DGKI: variants seen among roughly 807,000 people sequenced by gnomAD.
DGKI encodes DAG kinase iota.
A neutral mutation model predicts 147.5 loss-of-function variants in DGKI; 55 were observed. The observed-to-expected ratio is 0.37, with a 90% CI of 0.30 to 0.47. The LOEUF is 0.47. Among genes scored for constraint, DGKI ranks in the 20% least tolerant of loss-of-function variants. DGKI has a pLI of 1.00. For synonymous variants in DGKI, 469 were observed against 477.1 expected (o/e 0.98, Z 0.22); for missense variants, 1,007 against 1,323.8 (o/e 0.76, Z 3.71).
intron 6 of DGKI, among the ~76,000 whole-genome samples, chr7:137,642,595 G>GA (rs1305758290): frequency 6.6e-6 from 1 of 152,116 alleles, no homozygotes; most frequent in East Asian, 1.9e-4. Flanking sequence ...GAATGACAAT[G>GA]AAAAACCACA....
At chr7:137,579,666 C>A (rs755698481) in intron 15 of DGKI, among the ~76,000 whole-genome samples, 2 of 152,064 alleles carry the variant, frequency 1.3e-5, no homozygotes, top group Non-Finnish European at 2.9e-5. Context: ...TTCCAATTAA[C>A]ATAAATTCTC....
intron 23 of DGKI, among the ~76,000 whole-genome samples, chr7:137,475,038 T>C (rs1003525235): frequency 3.9e-5 from 6 of 152,296 alleles, no homozygotes; most frequent in Admixed American, 3.9e-4. Context: ...GAGAGATAAT[T>C]ATATCTCATG....
intron 1 of DGKI, among the ~76,000 whole-genome samples, chr7:137,700,842 C>T (rs1431222767): frequency 6.6e-6 from 1 of 151,934 alleles, no homozygotes; most frequent in Non-Finnish European, 1.5e-5. Context: ...GGCGCCACTG[C>T]ACTCCAGCCT....
intron 5 of DGKI, among the ~76,000 whole-genome samples, chr7:137,649,098 A>T (rs1431440975): frequency 6.6e-6 from 1 of 152,192 alleles, no homozygotes; most frequent in Non-Finnish European, 1.5e-5. Flanking sequence ...ACTGCTGCTT[A>T]ATTATAGTTT....
Position 137,459,616 on chromosome 7 carries a change from G to A in DGKI, c.2735+3873C>T, listed in dbSNP as rs376832396. Reference sequence around the variant, plus strand: ...CAGCCTCCCGAGTAGCTGGGACTACGGGCGCCCGCCACCACGCCCGGCTAA... The same window carrying A: ...CAGCCTCCCGAGTAGCTGGGACTACAGGCGCCCGCCACCACGCCCGGCTAA... On this transcript the variant is annotated intron_variant, in intron 27 of 32. Transcript: ENST00000614521. 2.5e-3 allele frequency among the ~76,000 whole-genome samples: 372 copies of A among 150,862 alleles called. 1 individual carries two copies. Among genetic ancestry groups the A allele is most frequent in the Middle Eastern group, 0.021 (6 of 290 alleles).
intron 4 of DGKI, among the ~76,000 whole-genome samples, chr7:137,655,306 C>T (rs1822178894): frequency 6.6e-6 from 1 of 151,582 alleles, no homozygotes; most frequent in South Asian, 2.1e-4. Context: ...TCAAGCAATT[C>T]TCCTGCCTCA....
chr7:137,820,970 A>AG (rs1797880418), intron 1 of DGKI, among the ~76,000 whole-genome samples: 1 of 152,140 alleles, frequency 6.6e-6, no homozygotes, highest in South Asian at 2.1e-4. Flanking sequence ...CCAGCCCTAG[A>AG]GGGGGAGAGC....
chr7:137,516,222 A>G (rs1179796102), intron 21 of DGKI, among the ~76,000 whole-genome samples: 1 of 152,166 alleles, frequency 6.6e-6, no homozygotes, highest in East Asian at 1.9e-4. Flanking sequence ...CTCATTATGA[A>G]TGATGTTGGA....
chr7:137,741,125 A>G (rs1017950081), intron 1 of DGKI, among the ~76,000 whole-genome samples: 1 of 152,208 alleles, frequency 6.6e-6, no homozygotes, highest in African/African-American at 2.4e-5. Context: ...CATTCAGCTC[A>G]CCTTTCTTGC....
intron 20 of DGKI, among the ~76,000 whole-genome samples, chr7:137,525,209 C>T (rs1817101555): frequency 6.6e-6 from 1 of 152,188 alleles, no homozygotes; most frequent in Admixed American, 6.6e-5. Context: ...AAATCAGACT[C>T]TAACCACCGC....
rs539983655 is a variant in DGKI, at chr7:137,825,243, C to G, written c.401+21219G>C. On this transcript the variant is annotated intron_variant, in intron 1 of 32. Coordinates refer to ENST00000614521, the MANE Select transcript of DGKI (RefSeq NM_001321708.2). The stretch of plus-strand genomic sequence containing the variant: ...CAACGAAACCCAAAAGCTGGCCAAC[C>G]CTCACATAACTGCATTTGCACGTCT... Among the ~76,000 whole-genome samples the G allele has an allele frequency of 6.0e-4, 91 of 152,190 alleles. 2 individuals carry two copies. In the South Asian group the frequency reaches 0.015, roughly 25 times the overall value.
intron 19 of DGKI, among the ~76,000 whole-genome samples, chr7:137,565,999 C>T (rs570214565): frequency 6.7e-6 from 1 of 148,800 alleles, no homozygotes; most frequent in South Asian, 2.1e-4. Context: ...AATAAAAGTG[C>T]CATTCTGAAT....
At chr7:137,742,613 T>C (rs1283223452) in intron 1 of DGKI, among the ~76,000 whole-genome samples, 1 of 152,024 alleles carries the variant, frequency 6.6e-6, no homozygotes, top group African/African-American at 2.4e-5. Flanking sequence ...ACCCACATAA[T>C]GAAATTAATA....
At chr7:137,801,081 C>A (rs1797191166) in intron 1 of DGKI, among the ~76,000 whole-genome samples, 1 of 152,188 alleles carries the variant, frequency 6.6e-6, no homozygotes, top group Non-Finnish European at 1.5e-5. Flanking sequence ...TTTCATTCTG[C>A]AAAGTGTTTT....
intron 1 of DGKI, among the ~76,000 whole-genome samples, chr7:137,838,456 T>C (rs927925333): frequency 6.6e-6 from 1 of 152,194 alleles, no homozygotes. Flanking sequence ...CACATAAGCT[T>C]ATGTAAAGCT....
At chr7:137,492,267 A>C (rs780665614) in intron 21 of DGKI, among the ~76,000 whole-genome samples, 4 of 152,256 alleles carry the variant, frequency 2.6e-5, no homozygotes, top group Non-Finnish European at 5.9e-5. Context: ...GCCAAAGATC[A>C]AAATAAACAG....
At chr7:137,704,924 G>C (rs1451772308) in intron 1 of DGKI, among the ~76,000 whole-genome samples, 1 of 152,152 alleles carries the variant, frequency 6.6e-6, no homozygotes, top group African/African-American at 2.4e-5. Context: ...TTTATATCCA[G>C]CATGACTATC....
At chr7:137,642,150 C>A (rs910901475) in intron 6 of DGKI, among the ~76,000 whole-genome samples, 1 of 152,210 alleles carries the variant, frequency 6.6e-6, no homozygotes, top group African/African-American at 2.4e-5. Context: ...GTTTTACTCT[C>A]CATCCTTCTC....
At chr7:137,699,133 G>A (rs1247996922) in intron 1 of DGKI, among the ~76,000 whole-genome samples, 4 of 152,164 alleles carry the variant, frequency 2.6e-5, no homozygotes, top group African/African-American at 9.7e-5. Flanking sequence ...CATAGAAGGT[G>A]TCATTTCACT....
Sources: gnomAD v4.1 joint callset for allele counts (sites outside exome capture counted in the v4.1 genomes callset) on GRCh38, gnomAD v4.1.1 for gene constraint, MANE v1.5 for transcripts, NCBI Gene and HGNC (gene_info 2026-07-23, HGNC 2026-07-21) for gene names.